STXBP6: variants seen among roughly 807,000 people sequenced by gnomAD.
The protein encoded by STXBP6 is syntaxin binding protein 6.
In STXBP6, 21 loss-of-function variants were observed where a neutral mutation model predicts 26.9. The ratio of observed to expected loss-of-function variants is 0.78; its 90% CI spans 0.55 to 1.12. The LOEUF (loss-of-function observed/expected upper bound fraction) is 1.12, where lower values mean the gene tolerates loss of function less well. STXBP6 is among the 50% of genes most tolerant of loss of function. The probability of loss-of-function intolerance (pLI) is 0.00; values close to 1 mark genes in which losing one functional copy is unlikely to be tolerated. For missense variants in STXBP6, 232 were observed against 257.9 expected, an observed-to-expected ratio of 0.90 and a Z score of 0.69; for synonymous variants, 97 against 92.6, an observed-to-expected ratio of 1.05 and a Z score of -0.27.
Position 24,958,266 on chromosome 14 carries a change from G to C in STXBP6, c.154+16399C>G, listed in dbSNP as rs188600862. On this transcript the variant is annotated intron_variant, in intron 2 of 5. Coordinates refer to ENST00000323944, the MANE Select transcript of STXBP6 (RefSeq NM_001394410.1). ...ACTACATTGTATAACACCAAGCACT[G>C]TATCCTCAAAAGACTTTATGTACCA... Among the ~76,000 whole-genome samples the C allele has an allele frequency of 5.3e-5, 8 of 152,222 alleles. 1 individual carries two copies. Among genetic ancestry groups the C allele is most frequent in the Admixed American group, 1.3e-4 (2 of 15,290 alleles).
intron 1 of STXBP6, among the ~76,000 whole-genome samples, chr14:25,020,511 A>G (rs2075242314): frequency 6.6e-6 from 1 of 152,144 alleles, no homozygotes; most frequent in South Asian, 2.1e-4. Context: ...TAATCCTGCA[A>G]TCACATAGAC....
intron 2 of STXBP6, among the ~76,000 whole-genome samples, chr14:24,879,641 G>GA (rs2070281532): frequency 6.6e-6 from 1 of 151,976 alleles, no homozygotes; most frequent in Non-Finnish European, 1.5e-5. Flanking sequence ...AAGAGATGAG[G>GA]AAAAAAGGAG....
At chr14:24,938,864 T>A (rs949451167) in intron 2 of STXBP6, among the ~76,000 whole-genome samples, 12 of 152,124 alleles carry the variant, frequency 7.9e-5, no homozygotes, top group African/African-American at 2.9e-4. Context: ...ACTTAACATG[T>A]ATTCAACTTG....
At chr14:24,981,525 C>T (rs1246388996) in intron 1 of STXBP6, among the ~76,000 whole-genome samples, 2 of 152,162 alleles carry the variant, frequency 1.3e-5, no homozygotes, top group Non-Finnish European at 2.9e-5. Context: ...CTGCCTCAGC[C>T]TCCCAAAGTG....
At chr14:24,921,580 G>C (rs2071979427) in intron 2 of STXBP6, among the ~76,000 whole-genome samples, 1 of 152,072 alleles carries the variant, frequency 6.6e-6, no homozygotes, top group Non-Finnish European at 1.5e-5. Flanking sequence ...TCAAGGCTTA[G>C]AATCAACTGG....
At chr14:24,966,405 A>T (rs921961505) in intron 2 of STXBP6, among the ~76,000 whole-genome samples, 3 of 145,048 alleles carry the variant, frequency 2.1e-5, no homozygotes, top group Non-Finnish European at 4.5e-5. Context: ...AAAAAAAAAA[A>T]TGACAAGTGT....
chr14:25,040,576 TAGG>T, intron 1 of STXBP6, among the ~76,000 whole-genome samples: 1 of 152,182 alleles, frequency 6.6e-6, no homozygotes, highest in Non-Finnish European at 1.5e-5. Flanking sequence ...TGATAATGTA[TAGG>T]TAGTATTAAA....
intron 1 of STXBP6, among the ~76,000 whole-genome samples, chr14:25,035,911 C>G (rs893750830): frequency 4.6e-5 from 7 of 152,100 alleles, no homozygotes; most frequent in Admixed American, 2.0e-4. Context: ...TTTGCTACTA[C>G]TTTGAGCCAG....
At chr14:25,044,101 G>A (rs1405796715) in intron 1 of STXBP6, among the ~76,000 whole-genome samples, 1 of 149,266 alleles carries the variant, frequency 6.7e-6, no homozygotes, top group Non-Finnish European at 1.5e-5. Context: ...AGCCTGGGAG[G>A]TCGAGGCTGC....
intron 2 of STXBP6, among the ~76,000 whole-genome samples, chr14:24,905,643 G>C (rs953056868): frequency 2.6e-5 from 4 of 152,234 alleles, no homozygotes; most frequent in African/African-American, 4.8e-5. Flanking sequence ...TAGTTGTCTC[G>C]ATCCAGTTCT....
rs191923423 is a variant in STXBP6 at position 25,036,728 on chromosome 14, C to A, written c.-33+13150G>T. Among the ~76,000 whole-genome samples, 776 of 151,644 alleles carry A rather than the reference C, an allele frequency of 5.1e-3. 3 individuals are homozygous for A. The highest frequency in any genetic ancestry group is 0.017 in the Middle Eastern group (5 of 292). On this transcript the variant is annotated intron_variant, in intron 1 of 5. Coordinates refer to ENST00000323944, the MANE Select transcript of STXBP6 (RefSeq NM_001394410.1). ...AAAATTAGCCGGGCGTGGTGGCAGG[C>A]GCCTGTAGTCCCAGCTACTCAGGAG... is the stretch of plus-strand genomic sequence containing the variant.
intron 4 of STXBP6, among the ~76,000 whole-genome samples, chr14:24,846,674 C>A (rs2068974035): frequency 6.6e-6 from 1 of 152,128 alleles, no homozygotes; most frequent in Non-Finnish European, 1.5e-5. Flanking sequence ...AATCTGGTAA[C>A]TCTAATGCTC....
intron 1 of STXBP6, among the ~76,000 whole-genome samples, chr14:25,032,603 A>G (rs2075479402): frequency 6.6e-6 from 1 of 152,226 alleles, no homozygotes; most frequent in South Asian, 2.1e-4. Flanking sequence ...AACTGTCACC[A>G]CAGGGCCTAT....
intron 2 of STXBP6, among the ~76,000 whole-genome samples, chr14:24,867,374 T>G (rs577421666): frequency 6.6e-6 from 1 of 152,220 alleles, no homozygotes; most frequent in Admixed American, 6.5e-5. Context: ...TTGCCTAGTT[T>G]CAGGTATTTT....
intron 2 of STXBP6, among the ~76,000 whole-genome samples, chr14:24,893,009 C>T (rs1414393819): frequency 1.3e-5 from 2 of 152,172 alleles, no homozygotes; most frequent in African/African-American, 4.8e-5. Context: ...GAATGGCACT[C>T]TCAACAGCCA....
chr14:24,889,516 G>T (rs2070715191), intron 2 of STXBP6, among the ~76,000 whole-genome samples: 1 of 149,696 alleles, frequency 6.7e-6, no homozygotes, highest in African/African-American at 2.5e-5. Flanking sequence ...GTATACATAT[G>T]TAACAAACCT....
chr14:24,968,416 A>AGTAGACAATT (rs2073802765), intron 2 of STXBP6, among the ~76,000 whole-genome samples: 1 of 152,092 alleles, frequency 6.6e-6, no homozygotes, highest in African/African-American at 2.4e-5. Context: ...TGAATTAGAA[A>AGTAGACAATT]GTAGACAATT....
At chr14:24,821,897 G>A (rs2068145650) in intron 4 of STXBP6, among the ~76,000 whole-genome samples, 1 of 152,024 alleles carries the variant, frequency 6.6e-6, no homozygotes, top group African/African-American at 2.4e-5. Flanking sequence ...TAGATCTTCT[G>A]CTGACTTATT....
chr14:24,918,124 T>C (rs1281460822), intron 2 of STXBP6, among the ~76,000 whole-genome samples: 2 of 152,030 alleles, frequency 1.3e-5, no homozygotes, highest in African/African-American at 4.8e-5. Flanking sequence ...TTGTATCTAA[T>C]AATAGGTATG....
Sources: gnomAD v4.1 joint callset for allele counts (sites outside exome capture counted in the v4.1 genomes callset) on GRCh38, gnomAD v4.1.1 for gene constraint, MANE v1.5 for transcripts, NCBI Gene and HGNC (gene_info 2026-07-23, HGNC 2026-07-21) for gene names.